DRC10: variants seen among roughly 807,000 people sequenced by gnomAD.
The protein encoded by DRC10 is IQ domain-containing protein D.
chr12:113,199,875 C>T, the DRC10 span, among the ~76,000 whole-genome samples: 5 of 151,970 alleles, frequency 3.3e-5, no homozygotes, highest in East Asian at 5.8e-4. Context: ...CACATCACAG[C>T]GCCTGACTAA....
At chr12:113,203,634 C>A in the DRC10 span, among the ~76,000 whole-genome samples, 1 of 151,978 alleles carries the variant, frequency 6.6e-6, no homozygotes, top group Non-Finnish European at 1.5e-5. Flanking sequence ...CGCCACCACA[C>A]CCAGCTAATT....
chr12:113,206,218 CAAA>C, the DRC10 span: 12 of 74,150 alleles, frequency 1.6e-4, no homozygotes, highest in Admixed American at 2.9e-4. Flanking sequence ...GACTCCGCCT[CAAA>C]AAAAAAAAAA....
At chr12:113,205,845 C>T in the DRC10 span, among the ~76,000 whole-genome samples, 2 of 142,692 alleles carry the variant, frequency 1.4e-5, no homozygotes, top group African/African-American at 5.3e-5. Context: ...GCCGAGATTG[C>T]GCCACTGCAG....
chr12:113,209,529 C>T, the DRC10 span, among the ~76,000 whole-genome samples: 1 of 152,148 alleles, frequency 6.6e-6, no homozygotes, highest in African/African-American at 2.4e-5. Context: ...GTAGCTAGGA[C>T]TATAGGTGCT....
At chr12:113,200,854 C>T in the DRC10 span, 1 of 1,428,962 alleles carries the variant, frequency 7.0e-7, no homozygotes, top group Non-Finnish European at 9.3e-7. Flanking sequence ...TACCTCCATG[C>T]CCAGCCGGGC....
the DRC10 span, among the ~76,000 whole-genome samples, chr12:113,197,857 A>T: frequency 2.6e-5 from 4 of 152,248 alleles, no homozygotes; most frequent in African/African-American, 9.6e-5. Flanking sequence ...TGGTTCCAGG[A>T]CATCCTAGGC....
At chr12:113,203,656 A>G in the DRC10 span, among the ~76,000 whole-genome samples, 2 of 151,466 alleles carry the variant, frequency 1.3e-5, no homozygotes, top group African/African-American at 2.4e-5. Flanking sequence ...TTATATTATG[A>G]GTAGAGATGG....
At chr12:113,199,091 C>A in the DRC10 span, among the ~76,000 whole-genome samples, 2 of 152,258 alleles carry the variant, frequency 1.3e-5, no homozygotes, top group Admixed American at 1.3e-4. Flanking sequence ...GTGCATGCCA[C>A]CACGCCCGGC....
the DRC10 span, among the ~76,000 whole-genome samples, chr12:113,206,860 G>A: frequency 1.3e-5 from 2 of 152,068 alleles, no homozygotes; most frequent in Non-Finnish European, 2.9e-5. Flanking sequence ...AGAAGTTCGA[G>A]ACCAACCTGG....
the DRC10 span, among the ~76,000 whole-genome samples, chr12:113,217,020 C>T: frequency 2.4e-4 from 36 of 152,182 alleles, no homozygotes; most frequent in African/African-American, 8.2e-4. Flanking sequence ...ACCCAAGAGG[C>T]GTAGGTTGCA....
At chr12:113,218,060 A>G in the DRC10 span, among the ~76,000 whole-genome samples, 1 of 152,110 alleles carries the variant, frequency 6.6e-6, no homozygotes, top group Admixed American at 6.6e-5. Flanking sequence ...ATATCCTACA[A>G]TTGGCAGGAT....
At chr12:113,198,181 C>T in the DRC10 span, among the ~76,000 whole-genome samples, 1 of 152,058 alleles carries the variant, frequency 6.6e-6, no homozygotes, top group Non-Finnish European at 1.5e-5. Context: ...CATGCCACCA[C>T]ACTCCAGCCT....
chr12:113,195,824 C>T, the DRC10 span: 3 of 1,613,916 alleles, frequency 1.9e-6, no homozygotes, highest in Non-Finnish European at 1.7e-6. Flanking sequence ...CTTTGTGCCT[C>T]CGCCTGAGCT....
chr12:113,197,190 CTTTTTTTTT>C, the DRC10 span, among the ~76,000 whole-genome samples: 1 of 119,946 alleles, frequency 8.3e-6, no homozygotes, highest in African/African-American at 3.1e-5. Context: ...TAGCCAGTCG[CTTTTTTTTT>C]TTTTTTTTTT....
chr12:113,213,184 A>C, the DRC10 span, among the ~76,000 whole-genome samples: 31 of 150,400 alleles, frequency 2.1e-4, no homozygotes, highest in African/African-American at 3.9e-4. Flanking sequence ...GCTAAAAAAA[A>C]AAAAAAAAAA....
the DRC10 span, among the ~76,000 whole-genome samples, chr12:113,203,831 A>G: frequency 8.4e-6 from 1 of 119,324 alleles, no homozygotes; most frequent in Non-Finnish European, 1.6e-5. Flanking sequence ...CCTGTTGCCC[A>G]GGCTGGTCTT....
At chr12:113,198,024 C>A in the DRC10 span, among the ~76,000 whole-genome samples, 5 of 152,150 alleles carry the variant, frequency 3.3e-5, no homozygotes, top group Admixed American at 2.0e-4. Context: ...TGAGACCAGC[C>A]TGGCCAACAT....
the DRC10 span, chr12:113,207,177 G>A: frequency 1.6e-5 from 8 of 494,578 alleles, no homozygotes; most frequent in Non-Finnish European, 2.6e-5. Context: ...GCGAAAACCT[G>A]TCTCTACTAA....
the DRC10 span, among the ~76,000 whole-genome samples, chr12:113,201,008 G>C: frequency 3.1e-4 from 47 of 152,236 alleles, no homozygotes; most frequent in African/African-American, 1.1e-3. Context: ...GTGTGGTGGT[G>C]CATGCCTGTA....
Sources: allele counts gnomAD v4.1 joint callset (sites outside exome capture counted in the v4.1 genomes callset), GRCh38; gene constraint gnomAD v4.1.1; transcripts MANE v1.5; gene names NCBI Gene and HGNC (gene_info 2026-07-23, HGNC 2026-07-21).